Variants in AKT3 observed in about 807,000 individuals in gnomAD.
AKT3 encodes RAC-gamma serine/threonine-protein kinase.
In AKT3, 15 loss-of-function variants were observed where a neutral mutation model predicts 65.3. The ratio of observed to expected loss-of-function variants is 0.23; its 90% CI spans 0.15 to 0.35. AKT3 has a LOEUF of 0.35. Among genes scored for constraint, AKT3 ranks in the 10% least tolerant of loss-of-function variants. AKT3 has a pLI of 1.00. For missense variants in AKT3, 243 were observed against 576.5 expected (o/e 0.42, Z 5.92); for synonymous variants, 206 against 183.8 (o/e 1.12, Z -0.98).
At chr1:243,611,734 C>T (rs1677885411) in intron 8 of AKT3, among the ~76,000 whole-genome samples, 1 of 151,728 alleles carries the variant, frequency 6.6e-6, no homozygotes, top group Admixed American at 6.6e-5. Flanking sequence ...CCATTTTCTT[C>T]GTATTTTCTC....
chr1:243,534,622 C>T (rs1671773099), intron 12 of AKT3, among the ~76,000 whole-genome samples: 1 of 152,136 alleles, frequency 6.6e-6, no homozygotes, highest in Non-Finnish European at 1.5e-5. Flanking sequence ...GCACCTTTAA[C>T]AAATTTTTAA....
chr1:243,726,062 A>G lies in AKT3; in HGVS notation c.47-30346T>C, dbSNP rs10927062. The stretch of plus-strand genomic sequence containing the variant: ...CCAACATTAATGTCTGGAATTTCAT[A>G]CCTCCAACATTAATGTCTAGTATGC... On this transcript the variant is annotated intron_variant, in intron 2 of 13. Coordinates refer to ENST00000673466, the MANE Select transcript of AKT3 (RefSeq NM_005465.7). Among the ~76,000 whole-genome samples the G allele has an allele frequency of 2.7e-3, 233 of 86,886 alleles. 1 individual carries two copies. Among genetic ancestry groups the G allele is most frequent in the African/African-American group, 0.013 (222 of 17,034 alleles). The allele number at this position is 86,886 out of a possible 152,430, so 57.0% of individuals were successfully genotyped here.
chr1:243,639,056 A>C (rs939474635), intron 5 of AKT3, among the ~76,000 whole-genome samples: 1 of 152,164 alleles, frequency 6.6e-6, no homozygotes, highest in Non-Finnish European at 1.5e-5. Flanking sequence ...GCATCACTAC[A>C]GATTCTACAG....
At chr1:243,834,998 A>C (rs1454647182) in intron 2 of AKT3, among the ~76,000 whole-genome samples, 1 of 152,216 alleles carries the variant, frequency 6.6e-6, no homozygotes, top group South Asian at 2.1e-4. Flanking sequence ...TAAATATAGC[A>C]TTGGAAGAGT....
rs1218167935 is a variant in AKT3 at position 243,656,693 on chromosome 1, AAAC to A, written c.284+8076_284+8078del. ...GCACAGTATAGCATTAGTACTTGGG[AAAC>A]AACAAGGAGTTCAATGTATCTGGAA... On this transcript the variant is annotated intron_variant, in intron 4 of 13. Transcript: ENST00000673466. Among the ~76,000 whole-genome samples, 3 of 152,226 alleles carry A rather than the reference AAAC, an allele frequency of 2.0e-5. No individual in the cohort carries two copies. The South Asian group carries it at 6.2e-4, about 32-fold the overall frequency.
intron 2 of AKT3, among the ~76,000 whole-genome samples, chr1:243,810,428 G>C (rs1439830498): frequency 6.6e-6 from 1 of 152,114 alleles, no homozygotes; most frequent in Non-Finnish European, 1.5e-5. Context: ...AAATCTAGAA[G>C]AAACGGATAA....
At chr1:243,605,808 C>T (rs918144657) in intron 8 of AKT3, among the ~76,000 whole-genome samples, 1 of 152,190 alleles carries the variant, frequency 6.6e-6, no homozygotes, top group African/African-American at 2.4e-5. Flanking sequence ...TATGGTTTGG[C>T]TGTGTTCCCA....
chr1:243,596,836 T>C (rs1052406341), intron 8 of AKT3, among the ~76,000 whole-genome samples: 2 of 152,192 alleles, frequency 1.3e-5, no homozygotes, highest in African/African-American at 2.4e-5. Flanking sequence ...GTGGTATAGC[T>C]GTGCAAAGGA....
chr1:243,728,101 T>TA (rs1220223887), intron 2 of AKT3, among the ~76,000 whole-genome samples: 1 of 152,196 alleles, frequency 6.6e-6, no homozygotes, highest in East Asian at 1.9e-4. Context: ...ATGACTTGAC[T>TA]ATTCAGGGAG....
intron 4 of AKT3, among the ~76,000 whole-genome samples, chr1:243,646,843 TA>T (rs749744166): frequency 2.0e-5 from 3 of 151,784 alleles, no homozygotes; most frequent in Admixed American, 6.6e-5. Context: ...TAGAAAAAAT[TA>T]AAAAAAAGGA....
intron 12 of AKT3, among the ~76,000 whole-genome samples, chr1:243,533,438 CAA>C (rs1256421915): frequency 1.3e-5 from 2 of 152,134 alleles, no homozygotes; most frequent in Non-Finnish European, 2.9e-5. Flanking sequence ...ATATTCTACA[CAA>C]GAGCAAAGTA....
intron 2 of AKT3, among the ~76,000 whole-genome samples, chr1:243,838,141 G>T (rs1195353253): frequency 6.6e-6 from 1 of 152,120 alleles, no homozygotes; most frequent in African/African-American, 2.4e-5. Context: ...AAGCTTATTT[G>T]ATGGTTTGCT....
chr1:243,566,420 C>T lies in AKT3; in HGVS notation c.820-2572G>A, dbSNP rs142095665. Among the ~76,000 whole-genome samples the T allele has an allele frequency of 6.8e-4, 103 of 152,086 alleles. 1 individual carries two copies. Among genetic ancestry groups the T allele is most frequent in the African/African-American group, 2.3e-3 (95 of 41,506 alleles). On this transcript the variant is annotated intron_variant, in intron 9 of 13. Transcript: ENST00000673466. ...TACAACTGGGCAGTCCTGGGCAAAC[C>T]AAGACAGCTGGTTACCCTACTTGTT... is the stretch of plus-strand genomic sequence containing the variant.
intron 8 of AKT3, among the ~76,000 whole-genome samples, chr1:243,594,693 G>A (rs1052763269): frequency 2.0e-5 from 3 of 152,038 alleles, no homozygotes; most frequent in Admixed American, 1.3e-4. Context: ...AACCTCTTGG[G>A]CTCAAGCAAT....
In AKT3 at chr1:243,503,445, G is replaced by A; in HGVS notation, c.*1804C>T. Reference sequence around the variant, plus strand: ...TACGTCATGCTGTAGTCTTCCGTTTGGGAGCTGTCAGAGTTTAACTAAAAT... The same window carrying A: ...TACGTCATGCTGTAGTCTTCCGTTTAGGAGCTGTCAGAGTTTAACTAAAAT... On this transcript the variant is annotated 3_prime_UTR_variant, in exon 14 of 14. Transcript: ENST00000673466. 8.6e-6 allele frequency: 2 copies of A among 233,524 alleles called. No homozygotes were observed. Among genetic ancestry groups the A allele is most frequent in the East Asian group, 6.0e-5 (1 of 16,554 alleles). 14.5% of individuals were successfully genotyped at this position (233,524 alleles called of 1,614,324 possible).
intron 4 of AKT3, among the ~76,000 whole-genome samples, chr1:243,656,100 T>TG (rs1166217143): frequency 1.5e-4 from 1 of 6,546 alleles, no homozygotes. Context: ...GGTGAGGGTG[T>TG]GGCGGGGGGG....
chr1:243,579,221 A>G (rs533676953), intron 8 of AKT3, among the ~76,000 whole-genome samples: 64 of 152,330 alleles, frequency 4.2e-4, no homozygotes, highest in Non-Finnish European at 6.5e-4. Flanking sequence ...TGATATCTAA[A>G]TAGGCATTTG....
intron 3 of AKT3, among the ~76,000 whole-genome samples, chr1:243,679,678 A>G (rs1683782303): frequency 1.3e-5 from 2 of 152,162 alleles, no homozygotes; most frequent in Admixed American, 6.5e-5. Flanking sequence ...AAAACCTAAC[A>G]TGAATTAACA....
chr1:243,721,810 T>C (rs1389726277), intron 2 of AKT3, among the ~76,000 whole-genome samples: 1 of 152,094 alleles, frequency 6.6e-6, no homozygotes, highest in African/African-American at 2.4e-5. Flanking sequence ...AACAAATTTG[T>C]GTAGTATTAG....
Sources: gnomAD v4.1 joint callset for allele counts (sites outside exome capture counted in the v4.1 genomes callset) on GRCh38, gnomAD v4.1.1 for gene constraint, MANE v1.5 for transcripts, NCBI Gene and HGNC (gene_info 2026-07-23, HGNC 2026-07-21) for gene names.